Variants in RALYL observed in about 807,000 individuals in gnomAD.
The protein encoded by RALYL is RALY RNA binding protein like.
A neutral mutation model predicts 35.1 loss-of-function variants in RALYL; 29 were observed. That is an observed-to-expected ratio of 0.83 (90% CI 0.61 to 1.13). The LOEUF (loss-of-function observed/expected upper bound fraction) is 1.13, where lower values mean the gene tolerates loss of function less well. RALYL is among the 50% of genes most tolerant of loss of function. The pLI, the probability that RALYL is intolerant of heterozygous loss-of-function variation, is 0.00. For synonymous variants in RALYL, 120 were observed against 127.6 expected, an observed-to-expected ratio of 0.94 and a Z score of 0.40; for missense variants, 359 against 360.4, an observed-to-expected ratio of 1.00 and a Z score of 0.03.
At chr8:84,205,479 GC>G (rs1448492233) in intron 1 of RALYL, among the ~76,000 whole-genome samples, 2 of 152,096 alleles carry the variant, frequency 1.3e-5, no homozygotes, top group African/African-American at 4.8e-5. Flanking sequence ...ATATTACACA[GC>G]CCCCCTCTAA....
intron 2 of RALYL, among the ~76,000 whole-genome samples, chr8:84,566,038 CA>C (rs2061758956): frequency 6.9e-6 from 1 of 144,168 alleles, no homozygotes; most frequent in African/African-American, 2.5e-5. Flanking sequence ...GGCAAAAGTT[CA>C]GTCATTTGGC....
At chr8:84,516,206 A>G (rs902733351) in intron 1 of RALYL, among the ~76,000 whole-genome samples, 2 of 151,768 alleles carry the variant, frequency 1.3e-5, no homozygotes, top group Non-Finnish European at 2.9e-5. Flanking sequence ...GTTCAAAACC[A>G]TGAGCTAAAT....
chr8:84,759,793 A>C (rs2133347582), intron 2 of RALYL, among the ~76,000 whole-genome samples: 1 of 152,310 alleles, frequency 6.6e-6, no homozygotes, highest in Non-Finnish European at 1.5e-5. Flanking sequence ...GTTGTCCAAA[A>C]TCTACTGTTT....
rs2061486953 is a variant in RALYL, at chr8:84,561,826, TAAG to T, written c.256+32252_256+32254del. 5.9e-5 allele frequency among the ~76,000 whole-genome samples: 9 copies of T among 152,046 alleles called. 2 individuals are homozygous for T. The South Asian group carries it at 1.9e-3, about 31-fold the overall frequency. On this transcript the variant is annotated intron_variant, in intron 2 of 8. Coordinates refer to ENST00000521268, the MANE Select transcript of RALYL (RefSeq NM_173848.7). ...ACCCTGTGAGATCTCATCAGGCTACTAAGAATGACACACAATTAAAAACTTACG... is the reference window on the plus strand; with the variant it reads ...ACCCTGTGAGATCTCATCAGGCTACTAATGACACACAATTAAAAACTTACG...
At chr8:84,566,126 A>T (rs1564155573) in intron 2 of RALYL, among the ~76,000 whole-genome samples, 1 of 151,494 alleles carries the variant, frequency 6.6e-6, no homozygotes, top group Non-Finnish European at 1.5e-5. Flanking sequence ...GGTCATTTGG[A>T]TGTCATTAGG....
At chr8:84,357,403 T>C (rs756650285) in intron 1 of RALYL, among the ~76,000 whole-genome samples, 1 of 151,962 alleles carries the variant, frequency 6.6e-6, no homozygotes, top group Non-Finnish European at 1.5e-5. Context: ...AAAGTTAAAT[T>C]AAAGGTTACT....
At chr8:84,547,399 A>T in intron 2 of RALYL, among the ~76,000 whole-genome samples, 1 of 150,422 alleles carries the variant, frequency 6.6e-6, no homozygotes, top group Admixed American at 6.6e-5. Flanking sequence ...TTTTTTTGAG[A>T]CGGAGTCTCG....
chr8:84,496,154 AG>A (rs2055991437), intron 1 of RALYL, among the ~76,000 whole-genome samples: 1 of 152,164 alleles, frequency 6.6e-6, no homozygotes. Context: ...GACTATTAAT[AG>A]CAGCAAAAAA....
At chr8:84,241,777 CAAAA>C (rs35007112) in intron 1 of RALYL, among the ~76,000 whole-genome samples, 3 of 110,564 alleles carry the variant, frequency 2.7e-5, no homozygotes, top group Admixed American at 9.4e-5. Flanking sequence ...GACTGTGTCT[CAAAA>C]AAAAAAAAAA....
At chr8:84,722,207 CT>C (rs1219083805) in intron 2 of RALYL, among the ~76,000 whole-genome samples, 4 of 151,916 alleles carry the variant, frequency 2.6e-5, no homozygotes, top group Non-Finnish European at 4.4e-5. Context: ...ACACATATTT[CT>C]TTCTTTTCTG....
chr8:84,601,096 A>C (rs2130741320), intron 2 of RALYL, among the ~76,000 whole-genome samples: 1 of 152,292 alleles, frequency 6.6e-6, no homozygotes, highest in Middle Eastern at 3.4e-3. Context: ...GTATCCAGAG[A>C]ATAAAATAAA....
intron 2 of RALYL, among the ~76,000 whole-genome samples, chr8:84,575,136 G>A (rs1010170977): frequency 2.4e-4 from 36 of 152,216 alleles, no homozygotes; most frequent in Middle Eastern, 6.8e-3. Context: ...TTAAAAATAT[G>A]TCTTTTCTAT....
chr8:84,366,763 CAAAAAAAAAAAAAAA>C (rs1166208925), intron 1 of RALYL, among the ~76,000 whole-genome samples: 7 of 56,658 alleles, frequency 1.2e-4, no homozygotes, highest in African/African-American at 3.0e-4. Context: ...ATTTTTGTCT[CAAAAAAAAAAAAAAA>C]AAAAAAAAAA....
chr8:84,501,283 CAT>C (rs1178627081), intron 1 of RALYL, among the ~76,000 whole-genome samples: 1 of 152,112 alleles, frequency 6.6e-6, no homozygotes, highest in Admixed American at 6.5e-5. Context: ...TTTAAAAAGA[CAT>C]ATTGTTTAAA....
chr8:84,880,275 A>G (rs1841947714), intron 7 of RALYL, among the ~76,000 whole-genome samples: 1 of 152,114 alleles, frequency 6.6e-6, no homozygotes, highest in Non-Finnish European at 1.5e-5. Flanking sequence ...TTGCTAAAGC[A>G]AACACTCTAA....
rs577224268 is a variant in RALYL, at chr8:84,424,904, G to C, written c.-23-104395G>C. On this transcript the variant is annotated intron_variant, in intron 1 of 8. Transcript: ENST00000521268. ...GACCCACTTGAGGAGGCAGTCTGCA[G>C]GTTCTCAGATCTCCAGCTGTGTGCT... is the stretch of plus-strand genomic sequence containing the variant. Among the ~76,000 whole-genome samples the C allele has an allele frequency of 1.9e-4, 29 of 149,058 alleles. No individual in the cohort carries two copies. The East Asian group carries it at 3.1e-3, about 16-fold the overall frequency.
At chr8:84,839,911 A>T (rs1220615288) in intron 4 of RALYL, among the ~76,000 whole-genome samples, 3 of 152,236 alleles carry the variant, frequency 2.0e-5, no homozygotes, top group Non-Finnish European at 2.9e-5. Context: ...GAGGGTCCTG[A>T]CTGTTAGAAG....
At chr8:84,637,079 C>T (rs1456817718) in intron 2 of RALYL, among the ~76,000 whole-genome samples, 2 of 151,808 alleles carry the variant, frequency 1.3e-5, no homozygotes, top group Non-Finnish European at 2.9e-5. Context: ...TATGTAGATG[C>T]TTGGTAAAAT....
chr8:84,432,070 TAC>T (rs1438960579), intron 1 of RALYL, among the ~76,000 whole-genome samples: 1 of 152,204 alleles, frequency 6.6e-6, no homozygotes. Flanking sequence ...TTAACAATTC[TAC>T]TTCTGGATAT....
Sources: allele counts gnomAD v4.1 joint callset (sites outside exome capture counted in the v4.1 genomes callset), GRCh38; gene constraint gnomAD v4.1.1; transcripts MANE v1.5; gene names NCBI Gene and HGNC (gene_info 2026-07-23, HGNC 2026-07-21).